Variants in TTLL4 observed in about 807,000 individuals in gnomAD.
TTLL4 encodes the protein tubulin tyrosine ligase like 4, also known as tubulin monoglutamylase TTLL4.
In TTLL4, 85 loss-of-function variants were observed where a neutral mutation model predicts 122.7. The observed-to-expected ratio is 0.69, with a 90% CI of 0.58 to 0.83. TTLL4 has a LOEUF of 0.83. Ranked by LOEUF, TTLL4 falls within the 40% of genes least tolerant of loss-of-function variation. The pLI, the probability that TTLL4 is intolerant of heterozygous loss-of-function variation, is 0.00. For missense variants in TTLL4, 1,363 were observed against 1,488.6 expected (o/e 0.92, Z 1.39); for synonymous variants, 553 against 563.0 (o/e 0.98, Z 0.25).
chr2:218,738,601 A>T lies in TTLL4; in HGVS notation c.925A>T (p.Asn309Tyr), dbSNP rs1942606019. The T allele has an allele frequency of 6.2e-7, 1 of 1,614,058 alleles. No homozygotes were observed. The highest frequency in any genetic ancestry group is 1.3e-5 in the African/African-American group (1 of 74,918). ...TGCCTCTTCCTGGTATAACCGGAAT[A>T]ACTTAGCCATGAGGGCAGAGCCACT... The part of the protein sequence containing the change: ...SVASSWYNRN[N>Y]LAMRAEPLSC... The change falls in exon 3 of 20, where the codon AAC (asparagine) becomes TAC (tyrosine). Residue 309 changes from asparagine (N) to tyrosine (Y), a missense_variant. This residue lies in a region of TTLL4 where 760 missense variants were observed against 808.4 expected (regional missense o/e 0.94). Transcript: ENST00000392102.
At chr2:218,720,148 C>G (rs550098118) in intron 1 of TTLL4, among the ~76,000 whole-genome samples, 8 of 152,162 alleles carry the variant, frequency 5.3e-5, no homozygotes, top group East Asian at 1.9e-4. Context: ...GTTGGACATG[C>G]ATTTGGAAAG....
chr2:218,725,937 T>C (rs1942180002), intron 1 of TTLL4, among the ~76,000 whole-genome samples: 3 of 152,244 alleles, frequency 2.0e-5, no homozygotes, highest in African/African-American at 7.2e-5. Context: ...ACTAGAGTTA[T>C]GATTAGATTG....
intron 1 of TTLL4, among the ~76,000 whole-genome samples, chr2:218,726,747 G>A (rs538159042): frequency 2.0e-5 from 3 of 151,830 alleles, no homozygotes; most frequent in Admixed American, 6.6e-5. Flanking sequence ...GATTATAGGC[G>A]TGAGCCACCA....
intron 1 of TTLL4, among the ~76,000 whole-genome samples, chr2:218,718,378 C>T (rs1446712443): frequency 6.2e-5 from 9 of 145,964 alleles, no homozygotes; most frequent in Admixed American, 5.5e-4. Context: ...ATTTTCTTTT[C>T]TTTTTTTTTT....
chr2:218,722,277 G>A (rs2106399335), intron 1 of TTLL4, among the ~76,000 whole-genome samples: 1 of 151,164 alleles, frequency 6.6e-6, no homozygotes, highest in African/African-American at 2.4e-5. Flanking sequence ...GTAGGAAAAG[G>A]TATACACAGA....
At chr2:218,725,644 C>T (rs1942170176) in intron 1 of TTLL4, among the ~76,000 whole-genome samples, 1 of 152,008 alleles carries the variant, frequency 6.6e-6, no homozygotes. Context: ...CAACCTCCAC[C>T]TCCTGGGTTC....
In TTLL4 at chr2:218,745,756, A is replaced by G. The variant is rs1942826606; in HGVS notation, c.1852A>G (p.Ile618Val). ...RWKMSTVTPNIVKQTIGRSHF... is the reference protein window; with the variant it reads ...RWKMSTVTPNVVKQTIGRSHF... Reference sequence around the variant, plus strand: ...GAAGATGAGCACAGTGACCCCCAACATTGTCAAGCAGACCATTGGACGGTC... The same window carrying G: ...GAAGATGAGCACAGTGACCCCCAACGTTGTCAAGCAGACCATTGGACGGTC... Residue 618 changes from isoleucine (I) to valine (V), a missense_variant, in exon 7 of 20, where the codon ATT becomes GTT. By Grantham distance (29) the Ile-to-Val change is conservative. Transcript: ENST00000392102. 2 of 1,613,484 alleles carry G rather than the reference A, an allele frequency of 1.2e-6. No homozygotes were observed. Among genetic ancestry groups the G allele is most frequent in the South Asian group, 1.1e-5 (1 of 90,980 alleles).
chr2:218,746,702 G>T, intron 8 of TTLL4: 1 of 427,366 alleles, frequency 2.3e-6, no homozygotes, highest in Non-Finnish European at 4.2e-6. Flanking sequence ...CTTACTAAAG[G>T]CGAAATGCTT....
chr2:218,742,663 A>G (rs967233127), intron 5 of TTLL4, among the ~76,000 whole-genome samples: 1 of 152,154 alleles, frequency 6.6e-6, no homozygotes, highest in African/African-American at 2.4e-5. Context: ...TTTGTTTTTT[A>G]AATTAAGCTT....
chr2:218,751,789 C>T lies in TTLL4; in HGVS notation c.2959C>T (p.Gln987Ter). 1.2e-6 allele frequency: 2 copies of T among 1,611,716 alleles called. No individual in the cohort carries two copies. Among genetic ancestry groups the T allele is most frequent in the Non-Finnish European group, 1.7e-6 (2 of 1,178,710 alleles). ...QKMKKAYYLT[Q>*]KIPDQDFYAS... ...GATGAAGAAAGCCTATTATCTGACC[C>T]AGAAAATTCCTGATCAGGTAGGAGA... is the stretch of plus-strand genomic sequence containing the variant. The change falls in exon 16 of 20, where the codon CAG becomes TAG. Residue 987 changes from glutamine (Q) to a stop codon, truncating the protein, a stop_gained. Coordinates refer to ENST00000392102, the MANE Select transcript of TTLL4 (RefSeq NM_014640.5). LOFTEE classifies it high-confidence loss of function.
In TTLL4 at chr2:218,753,199, G is replaced by C; in HGVS notation, c.3258+14G>C. The C allele has an allele frequency of 6.2e-7, 1 of 1,614,124 alleles. No individual in the cohort carries two copies. The highest frequency in any genetic ancestry group is 2.2e-5 in the East Asian group (1 of 44,880). On this transcript the variant is annotated intron_variant, in intron 18 of 19. Coordinates refer to ENST00000392102, the MANE Select transcript of TTLL4 (RefSeq NM_014640.5). ...TCTGCTCCAGTGGTGAGTGCTGCCA[G>C]TGTGGAGGACAGCTCCTTCTCAGGC...
Position 218,754,374 on chromosome 2 carries a change from G to T in TTLL4, c.3585G>T (p.Leu1195=), listed in dbSNP as rs201334393. 4 of 1,614,052 alleles carry T rather than the reference G, an allele frequency of 2.5e-6. No individual in the cohort carries two copies. Among genetic ancestry groups the T allele is most frequent in the Non-Finnish European group, 3.4e-6 (4 of 1,180,044 alleles). The change falls in exon 20 of 20, where the codon CTG becomes CTT. Residue 1195 remains leucine (L), a synonymous_variant. Transcript: ENST00000392102. The part of the protein sequence containing the change: ...STFQSISDSL[L]AVSP ...TCCAGTCAATCAGTGACTCCCTCCT[G>T]GCTGTGAGCCCATAACTGGCCTCTC...
chr2:218,742,284 A>C (rs529747993), intron 5 of TTLL4, among the ~76,000 whole-genome samples: 16 of 152,328 alleles, frequency 1.1e-4, no homozygotes, highest in African/African-American at 3.6e-4. Context: ...ATGGAGATAG[A>C]TGAATTCCAA....
At chr2:218,744,543 A>C (rs1942787846) in intron 5 of TTLL4, among the ~76,000 whole-genome samples, 1 of 152,250 alleles carries the variant, frequency 6.6e-6, no homozygotes. Context: ...CAGTGTCACA[A>C]ATCACTTCCA....
At chr2:218,719,367 C>T (rs1272460075) in intron 1 of TTLL4, among the ~76,000 whole-genome samples, 1 of 152,040 alleles carries the variant, frequency 6.6e-6, no homozygotes, top group Non-Finnish European at 1.5e-5. Context: ...GAGAGGGACA[C>T]ACAACAGGTG....
rs1326751311 is a variant in TTLL4, at chr2:218,739,037, C to A, written c.1361C>A (p.Pro454His). The stretch of plus-strand genomic sequence containing the variant: ...TTTGGAGAAGGCAAAGCTCCAGGTC[C>A]CCCTTTTCCTCAAACTCTTGGCATA... Reference protein sequence around the residue: ...SAFGEGKAPGPPFPQTLGIAN... With the variant: ...SAFGEGKAPGHPFPQTLGIAN... The change falls in exon 3 of 20, where the codon CCC becomes CAC. Residue 454 changes from proline to histidine, a missense_variant. Around this residue, in one of 3 missense-constraint regions of TTLL4, gnomAD observed 760 missense variants for 808.4 expected, o/e 0.94. Transcript: ENST00000392102. 6.2e-7 allele frequency: 1 copy of A among 1,614,104 alleles called. No individual in the cohort carries two copies. The highest frequency in any genetic ancestry group is 1.3e-5 in the African/African-American group (1 of 74,938).
In TTLL4 at chr2:218,738,954, A is replaced by G. The variant is rs149241993; in HGVS notation, c.1278A>G (p.Ser426=). 11 of 1,614,078 alleles carry G rather than the reference A, an allele frequency of 6.8e-6. No individual in the cohort carries two copies. In the African/African-American group the frequency reaches 1.2e-4, roughly 18 times the overall value. ...TKRISIHLLA[S]HASGLNHNPA... is the part of the protein sequence containing the mutation. ...GTATCAGCATTCACCTCCTTGCCTC[A>G]CATGCCAGTGGGCTCAATCACAACC... Residue 426 remains serine (S), a synonymous_variant, in exon 3 of 20, where the codon TCA becomes TCG. Transcript: ENST00000392102.
At position 218,745,233 on chromosome 2, in the gene TTLL4, G is replaced by C; in HGVS notation, c.1786G>C (p.Val596Leu). The change falls in exon 6 of 20, where the codon GTG becomes CTG. Residue 596 changes from valine to leucine, a missense_variant and splice_region_variant. Physicochemically the swap from Val to Leu is conservative, Grantham distance 32. Transcript: ENST00000392102. ...TIYFGTRDER[V>L]EKLPWEQRKL... ...CTATTTTGGCACTCGGGATGAGAGA[G>C]GTAAACCTGGCCAAGTGTCAAAGCC... 1 of 1,613,962 alleles carries C rather than the reference G, an allele frequency of 6.2e-7. No individual in the cohort carries two copies. Among genetic ancestry groups the C allele is most frequent in the Non-Finnish European group, 8.5e-7 (1 of 1,179,896 alleles).
rs542327480 is a variant in TTLL4, at chr2:218,734,533, C to G, written c.-98-3046C>G. On this transcript the variant is annotated intron_variant, in intron 2 of 19. Transcript: ENST00000392102. ...AAACTCAGGAGTCAGGGAAGACTGCCTAGGTCATGTTGCAGCTGATTTTTT... is the reference window on the plus strand; with the variant it reads ...AAACTCAGGAGTCAGGGAAGACTGCGTAGGTCATGTTGCAGCTGATTTTTT... Among the ~76,000 whole-genome samples, 91 of 152,102 alleles carry G rather than the reference C, an allele frequency of 6.0e-4. 1 individual carries two copies. Among genetic ancestry groups the G allele is most frequent in the African/African-American group, 2.1e-3 (88 of 41,510 alleles).
Sources: allele counts gnomAD v4.1 joint callset (sites outside exome capture counted in the v4.1 genomes callset), GRCh38; gene constraint gnomAD v4.1.1; regional missense constraint gnomAD v4.1.1; transcripts MANE v1.5; gene names NCBI Gene and HGNC (gene_info 2026-07-23, HGNC 2026-07-21).